The following KCNH5 variants were observed in gnomAD, a reference collection of about 807,000 sequenced individuals.
KCNH5 encodes the protein potassium voltage-gated channel subfamily H member 5, also known as voltage-gated delayed rectifier potassium channel KCNH5.
A neutral mutation model predicts 96.1 loss-of-function variants in KCNH5; 46 were observed. That is an observed-to-expected ratio of 0.48 (90% CI 0.38 to 0.61). KCNH5 has a LOEUF of 0.61. Ranked by LOEUF, KCNH5 falls within the 20% of genes least tolerant of loss-of-function variation. The pLI is 0.00. For missense variants in KCNH5, 907 were observed against 1,225.8 expected (o/e 0.74, Z 3.88); for synonymous variants, 439 against 449.8 (o/e 0.98, Z 0.30).
chr14:62,799,832 AATAAT>A (rs1468243817), intron 9 of KCNH5, among the ~76,000 whole-genome samples: 7 of 135,652 alleles, frequency 5.2e-5, no homozygotes, highest in Non-Finnish European at 9.6e-5. Flanking sequence ...TTAAATATTA[AATAAT>A]ATATTATATA....
At chr14:62,977,515 G>A (rs1890524813) in intron 6 of KCNH5, among the ~76,000 whole-genome samples, 2 of 152,130 alleles carry the variant, frequency 1.3e-5, no homozygotes, top group Admixed American at 6.5e-5. Context: ...TTCATGTTGA[G>A]AAGTCAAAGA....
chr14:62,828,949 G>C (rs1183690304), intron 8 of KCNH5, among the ~76,000 whole-genome samples: 2 of 152,110 alleles, frequency 1.3e-5, no homozygotes, highest in African/African-American at 4.8e-5. Flanking sequence ...AAGGATACAG[G>C]CATTGGGTAA....
At chr14:62,737,297 G>T (rs11845933) in intron 10 of KCNH5, among the ~76,000 whole-genome samples, 3,996 of 152,176 alleles carry the variant, frequency 0.026, 102 homozygotes, top group African/African-American at 0.074. Flanking sequence ...ATAGCATTTG[G>T]CACATGAAAG....
At chr14:62,987,754 C>T (rs1890737349) in intron 4 of KCNH5, among the ~76,000 whole-genome samples, 1 of 152,186 alleles carries the variant, frequency 6.6e-6, no homozygotes, top group African/African-American at 2.4e-5. Flanking sequence ...TTGCCTTGGA[C>T]TGTTACATGA....
At chr14:62,796,277 G>A (rs1167903708) in intron 9 of KCNH5, among the ~76,000 whole-genome samples, 1 of 152,154 alleles carries the variant, frequency 6.6e-6, no homozygotes, top group Non-Finnish European at 1.5e-5. Flanking sequence ...CTCCCAAAGT[G>A]CTAGGATTAC....
At chr14:62,878,272 C>G (rs756567050) in intron 7 of KCNH5, among the ~76,000 whole-genome samples, 1 of 151,440 alleles carries the variant, frequency 6.6e-6, no homozygotes, top group Non-Finnish European at 1.5e-5. Context: ...GGGTCCAGCA[C>G]ACCAGCATGG....
chr14:62,950,540 C>A lies in KCNH5; in HGVS notation c.962G>T (p.Ser321Ile). 6.4e-7 allele frequency: 1 copy of A among 1,561,138 alleles called. No homozygotes were observed. Among genetic ancestry groups the A allele is most frequent in the South Asian group, 1.2e-5 (1 of 85,104 alleles). ...TAAGAGACGCACCACTTTTAAAGAA[C>A]TGAAGAGACTGCTGATTCCCTGGAT... ...NVDEGISSLF[S>I]SLKVVRLLRL... The change falls in exon 7 of 11, where the codon AGT (serine) becomes ATT (isoleucine). Residue 321 changes from serine (S) to isoleucine (I), a missense_variant. Physicochemically the swap from Ser to Ile is moderately radical, Grantham distance 142 (BLOSUM62 -2). Coordinates refer to ENST00000322893, the MANE Select transcript of KCNH5 (RefSeq NM_139318.5).
intron 7 of KCNH5, among the ~76,000 whole-genome samples, chr14:62,908,762 C>G (rs2140098577): frequency 8.9e-6 from 1 of 112,064 alleles, no homozygotes; most frequent in Non-Finnish European, 1.8e-5. Flanking sequence ...TGCCTTTGCC[C>G]TTTGTTGATT....
chr14:62,771,196 T>C (rs1389370109), intron 10 of KCNH5, among the ~76,000 whole-genome samples: 1 of 152,112 alleles, frequency 6.6e-6, no homozygotes, highest in Admixed American at 6.6e-5. Flanking sequence ...AAAATAAATT[T>C]CCGTTGTTGA....
Position 62,701,548 on chromosome 14 carries a change from G to C in KCNH5, c.*5960C>G, listed in dbSNP as rs1884348100. On this transcript the variant is annotated 3_prime_UTR_variant, in exon 11 of 11. Coordinates refer to ENST00000322893, the MANE Select transcript of KCNH5 (RefSeq NM_139318.5). ...GATGGAAGTGAGCTGACTATAAAAA[G>C]CTTTGGATGGTGTCAGTGGGGTCCT... 1 of 152,064 alleles carries C rather than the reference G, an allele frequency of 6.6e-6. No homozygotes were observed. Among genetic ancestry groups the C allele is most frequent in the African/African-American group, 2.4e-5 (1 of 41,424 alleles). 9.4% of individuals were successfully genotyped at this position (152,064 alleles called of 1,614,324 possible). A position where few individuals can be genotyped will look rare whatever the true frequency, so the allele number is the denominator to read the frequency against.
In KCNH5 at chr14:62,699,864, C is replaced by A. The variant is rs1431678911; in HGVS notation, c.*7644G>T. ...AAAAAAGGATCTGCTTAGCATGAAT[C>A]AGATTTTGAAAAAAGCCAACAAGTA... On this transcript the variant is annotated 3_prime_UTR_variant, in exon 11 of 11. Transcript: ENST00000322893. 6.6e-6 allele frequency: 1 copy of A among 152,092 alleles called. No homozygotes were observed. The highest frequency in any genetic ancestry group is 1.5e-5 in the Non-Finnish European group (1 of 67,996). 9.4% of individuals were successfully genotyped at this position (152,092 alleles called of 1,614,324 possible).
intron 4 of KCNH5, among the ~76,000 whole-genome samples, chr14:62,987,576 A>G (rs1448567650): frequency 6.6e-6 from 1 of 152,176 alleles, no homozygotes; most frequent in African/African-American, 2.4e-5. Flanking sequence ...GTTCTCACCA[A>G]TGGAATGCAG....
At chr14:62,976,604 G>A (rs1230009022) in intron 6 of KCNH5, among the ~76,000 whole-genome samples, 1 of 152,108 alleles carries the variant, frequency 6.6e-6, no homozygotes. Context: ...GATGAAAATA[G>A]ATCTGCACAA....
At chr14:62,875,748 G>T (rs1888358625) in intron 7 of KCNH5, among the ~76,000 whole-genome samples, 1 of 152,234 alleles carries the variant, frequency 6.6e-6, no homozygotes, top group Admixed American at 6.5e-5. Context: ...CAGGCGCAGT[G>T]GCTCATGCCT....
Position 62,915,576 on chromosome 14 carries a change from T to C in KCNH5, c.1369+34557A>G, listed in dbSNP as rs575709229. Among the ~76,000 whole-genome samples the C allele has an allele frequency of 2.0e-5, 3 of 152,352 alleles. No individual in the cohort carries two copies. In the East Asian group the frequency reaches 5.8e-4, roughly 29 times the overall value. ...TTAGAACAAGGGCTACATACTATTA[T>C]TCTTTGAATCCTGATACTGAATACA... On this transcript the variant is annotated intron_variant, in intron 7 of 10. Coordinates refer to ENST00000322893, the MANE Select transcript of KCNH5 (RefSeq NM_139318.5).
intron 7 of KCNH5, among the ~76,000 whole-genome samples, chr14:62,882,562 A>G (rs543820301): frequency 6.6e-6 from 1 of 152,204 alleles, no homozygotes; most frequent in African/African-American, 2.4e-5. Flanking sequence ...GTAGGACCAC[A>G]TGCTTTTGTG....
chr14:62,998,022 T>C lies in KCNH5; in HGVS notation c.433+3309A>G, dbSNP rs140799034. ...CTCAGAATAGGTTAAGAGAGCTCTC[T>C]CTGCTTCTATTATCTGGAAAAGACT... On this transcript the variant is annotated intron_variant, in intron 4 of 10. Transcript: ENST00000322893. Among the ~76,000 whole-genome samples the C allele has an allele frequency of 1.8e-3, 278 of 152,246 alleles. 1 individual carries two copies. The highest frequency in any genetic ancestry group is 2.5e-3 in the African/African-American group (104 of 41,548).
At chr14:62,993,993 A>G (rs920495394) in intron 4 of KCNH5, among the ~76,000 whole-genome samples, 6 of 152,060 alleles carry the variant, frequency 3.9e-5, no homozygotes, top group African/African-American at 1.4e-4. Flanking sequence ...ATAAAATATT[A>G]GTTTAGCTCT....
intron 8 of KCNH5, among the ~76,000 whole-genome samples, chr14:62,821,369 G>C (rs1211145623): frequency 1.3e-5 from 2 of 152,070 alleles, no homozygotes; most frequent in African/African-American, 4.8e-5. Context: ...TGCTATCATA[G>C]TAATTAAAAT....
Sources: allele counts gnomAD v4.1 joint callset (sites outside exome capture counted in the v4.1 genomes callset), GRCh38; gene constraint gnomAD v4.1.1; transcripts MANE v1.5; gene names NCBI Gene and HGNC (gene_info 2026-07-23, HGNC 2026-07-21).